Variants in PHF24 observed in about 807,000 individuals in gnomAD.
PHF24 encodes the protein Galpha inhibitory interacting protein.
A neutral mutation model predicts 42.6 loss-of-function variants in PHF24; 25 were observed. The ratio of observed to expected loss-of-function variants is 0.59; its 90% CI spans 0.43 to 0.82. PHF24 has a LOEUF of 0.82. Ranked by LOEUF, PHF24 falls within the 40% of genes least tolerant of loss-of-function variation. The probability of loss-of-function intolerance (pLI) is 0.00; values close to 1 mark genes in which losing one functional copy is unlikely to be tolerated. For synonymous variants in PHF24, 185 were observed against 204.8 expected, an observed-to-expected ratio of 0.90 and a Z score of 0.83; for missense variants, 470 against 538.1, an observed-to-expected ratio of 0.87 and a Z score of 1.25.
chr9:34,697,156 C>G, the PHF24 span, among the ~76,000 whole-genome samples: 1 of 152,192 alleles, frequency 6.6e-6, no homozygotes, highest in African/African-American at 2.4e-5. Context: ...CTGGATTTGA[C>G]AGTGGCCTGT....
chr9:34,701,869 C>T, the PHF24 span, among the ~76,000 whole-genome samples: 1 of 152,240 alleles, frequency 6.6e-6, no homozygotes, highest in South Asian at 2.1e-4. This position sits in a 1 kb window ranked among gnomAD's most constrained non-coding sequence, Gnocchi z 5.8. Flanking sequence ...CCTCCCACGC[C>T]CCAAATAGTC....
the PHF24 span, among the ~76,000 whole-genome samples, chr9:34,700,974 T>G: frequency 6.6e-6 from 1 of 152,080 alleles, no homozygotes; most frequent in Non-Finnish European, 1.5e-5. Flanking sequence ...AGGGAGGTGT[T>G]TGAAACAGTT....
At chr9:34,954,370 A>G (rs1198569067), upstream of PHF24, among the ~76,000 whole-genome samples, 1 of 152,186 alleles carries the variant, frequency 6.6e-6, no homozygotes, top group Non-Finnish European at 1.5e-5. Context: ...CTACCTCTGG[A>G]TCAATTAGCG....
the PHF24 span, among the ~76,000 whole-genome samples, chr9:34,730,534 G>A: frequency 6.6e-6 from 1 of 152,194 alleles, no homozygotes; most frequent in Non-Finnish European, 1.5e-5. Flanking sequence ...AAGCTGGGGA[G>A]TGTTGAGGAT....
chr9:34,884,380 G>T, the PHF24 span, among the ~76,000 whole-genome samples: 1 of 152,012 alleles, frequency 6.6e-6, no homozygotes, highest in South Asian at 2.1e-4. Flanking sequence ...TTTAAAAAAA[G>T]AATAATTTTT....
At chr9:34,938,677 C>A in the PHF24 span, among the ~76,000 whole-genome samples, 2 of 152,106 alleles carry the variant, frequency 1.3e-5, no homozygotes, top group Non-Finnish European at 2.9e-5. Context: ...CGCCTGTAAT[C>A]CCAGCACTTT....
the PHF24 span, among the ~76,000 whole-genome samples, chr9:34,929,756 T>C: frequency 6.6e-6 from 1 of 152,194 alleles, no homozygotes; most frequent in African/African-American, 2.4e-5. Flanking sequence ...AATTCACTGC[T>C]GCAAGTATTC....
the PHF24 span, among the ~76,000 whole-genome samples, chr9:34,840,409 T>G: frequency 6.8e-6 from 1 of 146,502 alleles, no homozygotes; most frequent in African/African-American, 2.5e-5. Flanking sequence ...CTCTCTAATT[T>G]CCCTCCTTCT....
chr9:34,975,880 C>T (rs2132926911), intron 3 of PHF24, among the ~76,000 whole-genome samples: 1 of 152,058 alleles, frequency 6.6e-6, no homozygotes, highest in South Asian at 2.1e-4. Context: ...CCTAGGTTAG[C>T]TCAGAGGAGA....
At chr9:34,921,420 A>ACTG in the PHF24 span, among the ~76,000 whole-genome samples, 10 of 151,818 alleles carry the variant, frequency 6.6e-5, no homozygotes, top group Non-Finnish European at 1.3e-4. Flanking sequence ...TTTTTGTTTT[A>ACTG]CTGCTGTGCT....
chr9:34,908,135 C>T, the PHF24 span, among the ~76,000 whole-genome samples: 1 of 152,066 alleles, frequency 6.6e-6, no homozygotes, highest in East Asian at 1.9e-4. Flanking sequence ...GCTGCCACAC[C>T]CGGCCTCTTC....
chr9:34,879,831 A>G, the PHF24 span, among the ~76,000 whole-genome samples: 4 of 152,174 alleles, frequency 2.6e-5, no homozygotes, highest in African/African-American at 9.7e-5. Flanking sequence ...CAACATTCAC[A>G]TTCAGGAAAT....
At chr9:34,771,786 C>T in the PHF24 span, among the ~76,000 whole-genome samples, 2 of 152,102 alleles carry the variant, frequency 1.3e-5, no homozygotes, top group African/African-American at 2.4e-5. Flanking sequence ...GAATTTAGGT[C>T]TGAACCAGGG....
chr9:34,888,318 T>A, the PHF24 span, among the ~76,000 whole-genome samples: 1 of 152,216 alleles, frequency 6.6e-6, no homozygotes, highest in Non-Finnish European at 1.5e-5. Flanking sequence ...GGCCTGTGTA[T>A]CGTTCACTGT....
chr9:34,792,961 T>G, the PHF24 span, among the ~76,000 whole-genome samples: 73 of 152,284 alleles, frequency 4.8e-4, no homozygotes, highest in African/African-American at 1.6e-3. Flanking sequence ...AGGCATTCCT[T>G]GCTTCTTATT....
the PHF24 span, chr9:34,895,910 G>T: frequency 2.3e-5 from 9 of 389,776 alleles, no homozygotes; most frequent in Non-Finnish European, 4.1e-5. Flanking sequence ...TTTTAAAGAG[G>T]CTTACTATGG....
At chr9:34,937,058 C>T in the PHF24 span, among the ~76,000 whole-genome samples, 42 of 142,904 alleles carry the variant, frequency 2.9e-4, no homozygotes, top group African/African-American at 8.1e-4. Context: ...CCAGCCGCCC[C>T]GTCCGGGAGG....
the PHF24 span, among the ~76,000 whole-genome samples, chr9:34,942,816 A>ATG: frequency 2.0e-5 from 3 of 151,948 alleles, no homozygotes; most frequent in African/African-American, 7.3e-5. Flanking sequence ...ACTTGGACCA[A>ATG]AGGCGGGGAA....
At chr9:34,922,733 T>C in the PHF24 span, 1 of 1,582,454 alleles carries the variant, frequency 6.3e-7, no homozygotes, top group Non-Finnish European at 8.6e-7. Context: ...GTTCAATACT[T>C]GAGACGATGC....
Sources: gnomAD v4.1 joint callset for allele counts (sites outside exome capture counted in the v4.1 genomes callset) on GRCh38, gnomAD v4.1.1 for gene constraint, Gnocchi (gnomAD v3.1) non-coding constraint, MANE v1.5 for transcripts, NCBI Gene and HGNC (gene_info 2026-07-23, HGNC 2026-07-21) for gene names.